The following RAB6D variants were observed in gnomAD, a reference collection of about 807,000 sequenced individuals.
RAB6D encodes RAB6D, member RAS oncogene family.
Under a neutral mutation model 17.5 loss-of-function variants are expected in RAB6D, and 11 were observed. The observed-to-expected ratio is 0.63, with a 90% confidence interval of 0.39 to 1.04. The LOEUF (loss-of-function observed/expected upper bound fraction) is 1.04, where lower values mean the gene tolerates loss of function less well. Among genes scored for constraint, RAB6D ranks in the 50% least tolerant of loss-of-function variants. RAB6D has a pLI of 0.00. For synonymous variants in RAB6D, 68 were observed against 122.6 expected (o/e 0.55, Z 2.94); for missense variants, 163 against 315.1 (o/e 0.52, Z 3.65).
Position 131,363,391 on chromosome 2 carries a change from A to G in RAB6D, c.330T>C (p.Asp110=), listed in dbSNP as rs756563856. ...CATCACTTCCTCCTTCTGTTCTGAC[A>G]TCATCAATCCACTTTGTAGTTTGCT... ...SFQQTTKWID[D]VRTEGGSDVI... Residue 110 remains aspartate (D), a synonymous_variant, in exon 1 of 1, where the codon GAT becomes GAC. Transcript: ENST00000623617. The G allele has an allele frequency of 2.5e-6, 4 of 1,613,832 alleles. No homozygotes were observed. In the South Asian group the frequency reaches 3.3e-5, roughly 13 times the overall value.
chr2:131,364,136 C>CCTCGGCTTCCCCAGCCGCCGCCGA lies in RAB6D; in HGVS notation c.-417_-416insTCGGCGGCGGCTGGGGAAGCCGAG, dbSNP rs1559284076. ...GCTTCGGCTTCCCCAGCCGCCGCCGCCGCAGCCCAACCTGCTGAGTGCGCG... is the reference window on the plus strand; with the variant it reads ...GCTTCGGCTTCCCCAGCCGCCGCCGCCTCGGCTTCCCCAGCCGCCGCCGACGCAGCCCAACCTGCTGAGTGCGCG... On this transcript the variant is annotated 5_prime_UTR_variant, in exon 1 of 1. Coordinates refer to ENST00000623617, the MANE Select transcript of RAB6D (RefSeq NM_001077637.3). 1 of 231,022 alleles carries CCTCGGCTTCCCCAGCCGCCGCCGA rather than the reference C, an allele frequency of 4.3e-6. No homozygotes were observed. Among genetic ancestry groups the CCTCGGCTTCCCCAGCCGCCGCCGA allele is most frequent in the Admixed American group, 5.2e-5 (1 of 19,126 alleles). 14.3% of individuals were successfully genotyped at this position (231,022 alleles called of 1,614,324 possible).
Position 131,363,808 on chromosome 2 carries a change from A to G in RAB6D, c.-88T>C, listed in dbSNP as rs1703463181. The G allele has an allele frequency of 2.0e-6, 2 of 989,380 alleles. No individual in the cohort carries two copies. The highest frequency in any genetic ancestry group is 2.6e-5 in the East Asian group (1 of 39,168). 61.3% of individuals were successfully genotyped at this position (989,380 alleles called of 1,614,324 possible). ...GCCGGCTGACGAAAAAGGCGAGCGG[A>G]AGGGCGGGCGCCGAGCTCTCTGCGC... On this transcript the variant is annotated 5_prime_UTR_variant, in exon 1 of 1. Coordinates refer to ENST00000623617, the MANE Select transcript of RAB6D (RefSeq NM_001077637.3).
chr2:131,363,476 T>C lies in RAB6D; in HGVS notation c.245A>G (p.Tyr82Cys), dbSNP rs1455561435. The change falls in exon 1 of 1, where the codon TAC becomes TGC. Residue 82 changes from tyrosine (Y) to cysteine (C), a missense_variant. By Grantham distance (194) the Tyr-to-Cys change is radical (BLOSUM62 -2). Transcript: ENST00000623617. ...QERLRSLIPR[Y>C]IRDSAAAVVV... is the part of the protein sequence containing the mutation. Reference sequence around the variant, plus strand: ...TACAGCTGCAGCAGAATCACGGATGTACCTGGGAATGAGGCTACGGAGACG... The same window carrying C: ...TACAGCTGCAGCAGAATCACGGATGCACCTGGGAATGAGGCTACGGAGACG... 1 of 1,606,944 alleles carries C rather than the reference T, an allele frequency of 6.2e-7. No individual in the cohort carries two copies. Among genetic ancestry groups the C allele is most frequent in the East Asian group, 2.2e-5 (1 of 44,594 alleles).
Position 131,363,362 on chromosome 2 carries a change from A to C in RAB6D, c.359T>G (p.Ile120Ser). The change falls in exon 1 of 1, where the codon ATC (isoleucine) becomes AGC (serine). Residue 120 changes from isoleucine to serine, a missense_variant. Ile to Ser is a moderately radical substitution (Grantham distance 142). Transcript: ENST00000623617. ...TGTTTTATTTCCTACTAGCGTGATG[A>C]TAACATCACTTCCTCCTTCTGTTCT... is the stretch of plus-strand genomic sequence containing the variant. ...DVRTEGGSDV[I>S]ITLVGNKTDL... 1.2e-6 allele frequency: 2 copies of C among 1,614,088 alleles called. No homozygotes were observed. Among genetic ancestry groups the C allele is most frequent in the Non-Finnish European group, 8.5e-7 (1 of 1,180,048 alleles).
chr2:131,363,945 C>T lies in RAB6D; in HGVS notation c.-225G>A. ...GCCGAGCACCGAGCGAGGCCCGCGG[C>T]TGGGAAGGGAAGGAGGGCGGTGTCG... On this transcript the variant is annotated 5_prime_UTR_variant, in exon 1 of 1. Transcript: ENST00000623617. 2 of 718,020 alleles carry T rather than the reference C, an allele frequency of 2.8e-6. No individual in the cohort carries two copies. The highest frequency in any genetic ancestry group is 4.6e-6 in the Non-Finnish European group (2 of 433,146). 44.5% of individuals were successfully genotyped at this position (718,020 alleles called of 1,614,324 possible). A position where few individuals can be genotyped will look rare whatever the true frequency, so the allele number is the denominator to read the frequency against.
Position 131,360,776 on chromosome 2 carries a change from G to T in RAB6D, c.*2180C>A, listed in dbSNP as rs1161778502. 2.6e-5 allele frequency among the ~76,000 whole-genome samples: 4 copies of T among 152,158 alleles called. No homozygotes were observed. Among genetic ancestry groups the T allele is most frequent in the Admixed American group, 2.6e-4 (4 of 15,288 alleles). ...ATAGCATAGCATTGTGTGTGTGGAT[G>T]TGTGGATGTAAATGGCAGTAAAAGG... On this transcript the variant is annotated 3_prime_UTR_variant, in exon 1 of 1. Coordinates refer to ENST00000623617, the MANE Select transcript of RAB6D (RefSeq NM_001077637.3).
rs1703426937 is a variant in RAB6D, at chr2:131,361,721, AAAG to A, written c.*1232_*1234del. On this transcript the variant is annotated 3_prime_UTR_variant, in exon 1 of 1. Transcript: ENST00000623617. The stretch of plus-strand genomic sequence containing the variant: ...AAAAAAAAAGCAAAGAAATATCACC[AAAG>A]AAAAAAGATTAATCGTAGCTTAAAT... 6.0e-6 allele frequency: 1 copy of A among 167,006 alleles called. No homozygotes were observed. Among genetic ancestry groups the A allele is most frequent in the Non-Finnish European group, 1.5e-5 (1 of 68,100 alleles). The allele number at this position is 167,006 out of a possible 1,614,324, so 10.3% of individuals were successfully genotyped here. A position where few individuals can be genotyped will look rare whatever the true frequency, so the allele number is the denominator to read the frequency against.
chr2:131,363,856 G>A lies in RAB6D; in HGVS notation c.-136C>T. The A allele has an allele frequency of 7.7e-7, 1 of 1,299,058 alleles. No homozygotes were observed. Among genetic ancestry groups the A allele is most frequent in the Non-Finnish European group, 1.0e-6 (1 of 954,624 alleles). 80.5% of individuals were successfully genotyped at this position (1,299,058 alleles called of 1,614,324 possible). A position where few individuals can be genotyped will look rare whatever the true frequency, so the allele number is the denominator to read the frequency against. ...CGCCCCTGCAAGGGCCGGTGGAGGA[G>A]CCCGGCTGGAGGGCAGCAGGACTCT... On this transcript the variant is annotated 5_prime_UTR_variant, in exon 1 of 1. Coordinates refer to ENST00000623617, the MANE Select transcript of RAB6D (RefSeq NM_001077637.3).
In RAB6D at chr2:131,361,273, T is replaced by G. The variant is rs1703421134; in HGVS notation, c.*1683A>C. The G allele has an allele frequency of 6.0e-6, 1 of 167,102 alleles. No individual in the cohort carries two copies. The highest frequency in any genetic ancestry group is 2.4e-5 in the African/African-American group (1 of 41,454). 10.4% of individuals were successfully genotyped at this position (167,102 alleles called of 1,614,324 possible). ...TGGGCTAATGATTATCTGTAAGCAT[T>G]TCTCTATTCAGATCCATAATCCAAG... On this transcript the variant is annotated 3_prime_UTR_variant, in exon 1 of 1. Transcript: ENST00000623617.
In RAB6D at chr2:131,363,565, T is replaced by G. The variant is rs774698957; in HGVS notation, c.156A>C (p.Ser52=). The G allele has an allele frequency of 3.9e-5, 61 of 1,578,022 alleles. No individual in the cohort carries two copies. The highest frequency in any genetic ancestry group is 2.5e-4 in the Admixed American group (15 of 58,840). The change falls in exon 1 of 1, where the codon TCA becomes TCC. Residue 52 remains serine (S), a synonymous_variant. Transcript: ENST00000623617. ...YQAIIGIDFL[S]KTMYLEDGTI... ...TTCCATCCTCCAAGTACATAGTTTTTGATAAAAAGTCAATGCCAATTATTG... is the reference window on the plus strand; with the variant it reads ...TTCCATCCTCCAAGTACATAGTTTTGGATAAAAAGTCAATGCCAATTATTG...
rs533927116 is a variant in RAB6D, at chr2:131,361,662, G to A, written c.*1294C>T. On this transcript the variant is annotated 3_prime_UTR_variant, in exon 1 of 1. Coordinates refer to ENST00000623617, the MANE Select transcript of RAB6D (RefSeq NM_001077637.3). The stretch of plus-strand genomic sequence containing the variant: ...TATTGCCATGGTGAAGCTCTAAATA[G>A]ATTCAACGAAACATCTAAAAATTGA... 2 of 165,046 alleles carry A rather than the reference G, an allele frequency of 1.2e-5. No individual in the cohort carries two copies. Among genetic ancestry groups the A allele is most frequent in the African/African-American group, 4.9e-5 (2 of 41,094 alleles). The allele number at this position is 165,046 out of a possible 1,614,324, so 10.2% of individuals were successfully genotyped here.
rs1703412140 is a variant in RAB6D at position 131,360,580 on chromosome 2, A to C, written c.*2376T>G. 6.6e-6 allele frequency among the ~76,000 whole-genome samples: 1 copy of C among 152,212 alleles called. No homozygotes were observed. The highest frequency in any genetic ancestry group is 1.5e-5 in the Non-Finnish European group (1 of 68,038). ...AAAAAGACTTCCCATAAACTAGAAG[A>C]AAATGTAAAATATAACCAACATATA... On this transcript the variant is annotated 3_prime_UTR_variant, in exon 1 of 1. Transcript: ENST00000623617.
Position 131,362,436 on chromosome 2 carries a change from A to C in RAB6D, c.*520T>G, listed in dbSNP as rs1489567442. The stretch of plus-strand genomic sequence containing the variant: ...GTACTCAGTATGTTCTTTAGGACTC[A>C]TTTTGAAGATGCACCAGGAGGCTTT... On this transcript the variant is annotated 3_prime_UTR_variant, in exon 1 of 1. Transcript: ENST00000623617. 1 of 176,266 alleles carries C rather than the reference A, an allele frequency of 5.7e-6. No individual in the cohort carries two copies. Among genetic ancestry groups the C allele is most frequent in the East Asian group, 1.8e-4 (1 of 5,512 alleles). The allele number at this position is 176,266 out of a possible 1,614,324, so 10.9% of individuals were successfully genotyped here.
chr2:131,363,875 G>C lies in RAB6D; in HGVS notation c.-155C>G. 7.5e-7 allele frequency: 1 copy of C among 1,328,954 alleles called. No homozygotes were observed. Among genetic ancestry groups the C allele is most frequent in the Admixed American group, 2.7e-5 (1 of 37,248 alleles). 82.3% of individuals were successfully genotyped at this position (1,328,954 alleles called of 1,614,324 possible). A position where few individuals can be genotyped will look rare whatever the true frequency, so the allele number is the denominator to read the frequency against. ...GGAGGAGCCCGGCTGGAGGGCAGCAGGACTCTCCACAGACTGGCAGCCGCC... is the reference window on the plus strand; with the variant it reads ...GGAGGAGCCCGGCTGGAGGGCAGCACGACTCTCCACAGACTGGCAGCCGCC... On this transcript the variant is annotated 5_prime_UTR_variant, in exon 1 of 1. Coordinates refer to ENST00000623617, the MANE Select transcript of RAB6D (RefSeq NM_001077637.3).
At position 131,360,573 on chromosome 2, in the gene RAB6D, C is replaced by G. The variant is rs1248297068; in HGVS notation, c.*2383G>C. Among the ~76,000 whole-genome samples, 1 of 151,886 alleles carries G rather than the reference C, an allele frequency of 6.6e-6. No individual in the cohort carries two copies. The highest frequency in any genetic ancestry group is 6.6e-5 in the Admixed American group (1 of 15,246). ...GGAAAAGAAAAAGACTTCCCATAAA[C>G]TAGAAGAAAATGTAAAATATAACCA... On this transcript the variant is annotated 3_prime_UTR_variant, in exon 1 of 1. Transcript: ENST00000623617.
Position 131,362,249 on chromosome 2 carries a change from GA to G in RAB6D, c.*706del, listed in dbSNP as rs1703433562. 1 of 167,030 alleles carries G rather than the reference GA, an allele frequency of 6.0e-6. No homozygotes were observed. Among genetic ancestry groups the G allele is most frequent in the African/African-American group, 2.4e-5 (1 of 41,428 alleles). 10.3% of individuals were successfully genotyped at this position (167,030 alleles called of 1,614,324 possible). On this transcript the variant is annotated 3_prime_UTR_variant, in exon 1 of 1. Coordinates refer to ENST00000623617, the MANE Select transcript of RAB6D (RefSeq NM_001077637.3). ...TCTTGACAATTTTAAAACCTTGGGA[GA>G]AATAGTTCATTAGAACGTCATTATC...
rs1703447354 is a variant in RAB6D at position 131,363,196 on chromosome 2, C to T, written c.525G>A (p.Pro175=). 1 of 1,612,536 alleles carries T rather than the reference C, an allele frequency of 6.2e-7. No individual in the cohort carries two copies. The highest frequency in any genetic ancestry group is 2.2e-5 in the East Asian group (1 of 44,718). ...TTCCGTCCTGTGTGCTTTCCATTCC[C>T]GGCAAAGCTGCTGCTACACGTCGAA... The part of the protein sequence containing the change: ...QLFRRVAAAL[P]GMESTQDGSR... Residue 175 remains proline (P), a synonymous_variant, in exon 1 of 1, where the codon CCG becomes CCA. Transcript: ENST00000623617.
chr2:131,364,161 G>T lies in RAB6D; in HGVS notation c.-441C>A, dbSNP rs139354648. 0.047 allele frequency: 4,845 copies of T among 103,858 alleles called. 146 individuals carry two copies. Among genetic ancestry groups the T allele is most frequent in the African/African-American group, 0.11 (3,261 of 29,240 alleles). 6.4% of individuals were successfully genotyped at this position (103,858 alleles called of 1,614,324 possible). On this transcript the variant is annotated 5_prime_UTR_variant, in exon 1 of 1. Coordinates refer to ENST00000623617, the MANE Select transcript of RAB6D (RefSeq NM_001077637.3). Reference sequence around the variant, plus strand: ...CCGCAGCCCAACCTGCTGAGTGCGCGAGCCTCTGGCGCGGGGCGAGCCAGG... The same window carrying T: ...CCGCAGCCCAACCTGCTGAGTGCGCTAGCCTCTGGCGCGGGGCGAGCCAGG...
In RAB6D at chr2:131,360,908, TA is replaced by T. The variant is rs904447814; in HGVS notation, c.*2047del. Among the ~76,000 whole-genome samples, 2 of 151,588 alleles carry T rather than the reference TA, an allele frequency of 1.3e-5. No individual in the cohort carries two copies. Among genetic ancestry groups the T allele is most frequent in the South Asian group, 4.2e-4 (2 of 4,796 alleles). On this transcript the variant is annotated 3_prime_UTR_variant, in exon 1 of 1. Coordinates refer to ENST00000623617, the MANE Select transcript of RAB6D (RefSeq NM_001077637.3). ...TTTTTGGCAGCAAAATTGTGTTTAC[TA>T]AAAAAAAATCTGGACTATGAACACA...
Sources: gnomAD v4.1 joint callset for allele counts (sites outside exome capture counted in the v4.1 genomes callset) on GRCh38, gnomAD v4.1.1 for gene constraint, MANE v1.5 for transcripts, NCBI Gene and HGNC (gene_info 2026-07-23, HGNC 2026-07-21) for gene names.